XKR6: variants seen among roughly 807,000 people sequenced by gnomAD.
The protein encoded by XKR6 is XK-related protein 6.
In XKR6, 22 loss-of-function variants were observed where a neutral mutation model predicts 56.7. The ratio of observed to expected loss-of-function variants is 0.39; its 90% confidence interval spans 0.28 to 0.55. XKR6 has a LOEUF of 0.55. Among genes scored for constraint, XKR6 ranks in the 20% least tolerant of loss-of-function variants. The pLI is 0.66. For missense variants in XKR6, 852 were observed against 889.0 expected (o/e 0.96, Z 0.53); for synonymous variants, 524 against 387.8 (o/e 1.35, Z -4.13).
intron 1 of XKR6, among the ~76,000 whole-genome samples, chr8:11,151,056 CA>C (rs1801245230): frequency 6.6e-6 from 1 of 152,084 alleles, no homozygotes; most frequent in Admixed American, 6.6e-5. Flanking sequence ...TAATATGCTT[CA>C]TATAAGACTC....
At chr8:11,086,148 A>ACATT (rs1797881606) in intron 1 of XKR6, among the ~76,000 whole-genome samples, 1 of 120,722 alleles carries the variant, frequency 8.3e-6, no homozygotes, top group African/African-American at 3.9e-5. Context: ...ATATATATAT[A>ACATT]TTTTTTTTTA....
At chr8:11,142,023 C>CA (rs61218279) in intron 1 of XKR6, among the ~76,000 whole-genome samples, 2,338 of 99,260 alleles carry the variant, frequency 0.024, 54 homozygotes, top group African/African-American at 0.066. Context: ...TACTACATTC[C>CA]AAAAAAAAAA....
chr8:11,155,209 C>G (rs990655944), intron 1 of XKR6, among the ~76,000 whole-genome samples: 3 of 152,176 alleles, frequency 2.0e-5, no homozygotes, highest in African/African-American at 7.2e-5. Context: ...GTTACCAAAG[C>G]CTTACTGTCT....
chr8:11,045,043 C>G (rs1799373771), intron 1 of XKR6, among the ~76,000 whole-genome samples: 1 of 142,016 alleles, frequency 7.0e-6, no homozygotes, highest in Non-Finnish European at 1.5e-5. Context: ...CTTATTTGCC[C>G]TTTGTGTTAC....
rs1804149429 is a variant in XKR6 at position 11,200,485 on chromosome 8, G to C, written c.764+91C>G. On this transcript the variant is annotated intron_variant, in intron 1 of 2. Coordinates refer to ENST00000416569, the MANE Select transcript of XKR6 (RefSeq NM_173683.4). The surrounding 1 kb of genome is among the most constrained non-coding windows in gnomAD (Gnocchi z 6.4). ...GTCCCTCCTTCGAGCCCCCCGCGCT[G>C]GGCCCTTTCGAGGGGCCGCCCCGCG... 1 of 1,337,450 alleles carries C rather than the reference G, an allele frequency of 7.5e-7. No homozygotes were observed. Among genetic ancestry groups the C allele is most frequent in the Non-Finnish European group, 9.5e-7 (1 of 1,047,286 alleles). 82.8% of individuals were successfully genotyped at this position (1,337,450 alleles called of 1,614,324 possible). A position where few individuals can be genotyped will look rare whatever the true frequency, so the allele number is the denominator to read the frequency against.
chr8:10,905,402 AT>A (rs1800157529), intron 2 of XKR6, among the ~76,000 whole-genome samples: 1 of 151,934 alleles, frequency 6.6e-6, no homozygotes, highest in Admixed American at 6.5e-5. Context: ...TCTTCCTGCC[AT>A]TTCTTGAGCT....
chr8:11,000,239 G>A (rs777036916), intron 1 of XKR6, among the ~76,000 whole-genome samples: 2 of 152,160 alleles, frequency 1.3e-5, no homozygotes, highest in Non-Finnish European at 2.9e-5. Flanking sequence ...AAGCTAGAAG[G>A]CAACAGGACA....
chr8:11,041,949 A>T (rs1013196678), intron 1 of XKR6, among the ~76,000 whole-genome samples: 1 of 152,312 alleles, frequency 6.6e-6, no homozygotes, highest in East Asian at 1.9e-4. Flanking sequence ...ACACACCCAC[A>T]CTCATTGTAC....
At chr8:11,107,745 G>A (rs553996950) in intron 1 of XKR6, 1 of 153,914 alleles carries the variant, frequency 6.5e-6, no homozygotes. Flanking sequence ...ACTGACCCTG[G>A]CTCCTCTCCT....
chr8:11,107,963 C>T (rs900595893), intron 1 of XKR6: 19 of 300,472 alleles, frequency 6.3e-5, no homozygotes, highest in South Asian at 2.7e-4. Flanking sequence ...GATGCTCTTC[C>T]ATCTCTCCAC....
chr8:10,945,211 C>T (rs553674950), intron 1 of XKR6, among the ~76,000 whole-genome samples: 29 of 152,306 alleles, frequency 1.9e-4, no homozygotes, highest in South Asian at 1.5e-3. Context: ...CTGTTGCGCA[C>T]GGTGGCTCAT....
chr8:11,062,944 C>G (rs1255865048), intron 1 of XKR6: 4 of 432,980 alleles, frequency 9.2e-6, no homozygotes, highest in Admixed American at 4.9e-5. Flanking sequence ...CATGCATTGG[C>G]TAGAAGTGAA....
chr8:11,135,559 T>G (rs552839806), intron 1 of XKR6, among the ~76,000 whole-genome samples: 1 of 152,310 alleles, frequency 6.6e-6, no homozygotes, highest in Admixed American at 6.5e-5. Flanking sequence ...CATTTAGGCC[T>G]TTTTCTAATT....
At chr8:10,956,475 C>A (rs1000068482) in intron 1 of XKR6, among the ~76,000 whole-genome samples, 1 of 152,144 alleles carries the variant, frequency 6.6e-6, no homozygotes, top group African/African-American at 2.4e-5. Flanking sequence ...CAAGAGTTTC[C>A]CTGAGGCTGG....
chr8:11,140,713 C>T (rs779492122), intron 1 of XKR6, among the ~76,000 whole-genome samples: 6 of 151,822 alleles, frequency 4.0e-5, no homozygotes, highest in African/African-American at 7.3e-5. Context: ...CTGGCTAACA[C>T]GGTGAAACCC....
At chr8:11,032,331 G>A (rs948826827) in intron 1 of XKR6, among the ~76,000 whole-genome samples, 6 of 152,138 alleles carry the variant, frequency 3.9e-5, no homozygotes, top group South Asian at 2.1e-4. Context: ...TGTGTTGCCC[G>A]AAAATGGCAG....
intron 1 of XKR6, among the ~76,000 whole-genome samples, chr8:11,020,931 T>A (rs572030319): frequency 6.6e-6 from 1 of 152,190 alleles, no homozygotes; most frequent in Non-Finnish European, 1.5e-5. Flanking sequence ...TTGCTTAGCA[T>A]AGTGGCTGGC....
chr8:10,953,746 G>A (rs982899249), intron 1 of XKR6, among the ~76,000 whole-genome samples: 9 of 152,210 alleles, frequency 5.9e-5, no homozygotes, highest in African/African-American at 2.2e-4. Context: ...TGCAACCATC[G>A]CCACCATCTA....
At chr8:11,143,850 G>A (rs1403795225) in intron 1 of XKR6, among the ~76,000 whole-genome samples, 2 of 152,200 alleles carry the variant, frequency 1.3e-5, no homozygotes, top group African/African-American at 4.8e-5. Flanking sequence ...TTCAACAACA[G>A]AAATTGATTT....
Sources: gnomAD v4.1 joint callset for allele counts (sites outside exome capture counted in the v4.1 genomes callset) on GRCh38, gnomAD v4.1.1 for gene constraint, Gnocchi (gnomAD v3.1) non-coding constraint, MANE v1.5 for transcripts, NCBI Gene and HGNC (gene_info 2026-07-23, HGNC 2026-07-21) for gene names.